ARHGEF12: variants seen among roughly 807,000 people sequenced by gnomAD.
ARHGEF12 encodes the protein Rho guanine nucleotide exchange factor 12.
Under a neutral mutation model 211.2 loss-of-function variants are expected in ARHGEF12, and 66 were observed. The ratio of observed to expected loss-of-function variants is 0.31; its 90% CI spans 0.26 to 0.38. The LOEUF (loss-of-function observed/expected upper bound fraction) is 0.38, where lower values mean the gene tolerates loss of function less well. ARHGEF12 is among the 10% of genes least tolerant of loss of function. The probability of loss-of-function intolerance (pLI) is 1.00; values close to 1 mark genes in which losing one functional copy is unlikely to be tolerated. For synonymous variants in ARHGEF12, 592 were observed against 638.4 expected (o/e 0.93, Z 1.09); for missense variants, 1,429 against 1,869.5 (o/e 0.76, Z 4.34).
chr11:120,462,033 A>C (rs1023301888), intron 27 of ARHGEF12, among the ~76,000 whole-genome samples: 3 of 150,584 alleles, frequency 2.0e-5, no homozygotes, highest in Admixed American at 6.6e-5. Flanking sequence ...TTGGAGTAGC[A>C]CTTTTATTTC....
intron 17 of ARHGEF12, 135 bp from the exon 18 acceptor site, chr11:120,446,813 A>C: frequency 3.7e-6 from 4 of 1,080,762 alleles, no homozygotes; most frequent in Non-Finnish European, 3.9e-6. Flanking sequence ...ATCCTAGATG[A>C]CATGGACCCA....
rs1195555066 is a variant in ARHGEF12 at position 120,441,810 on chromosome 11, C to T, written c.1196C>T (p.Ala399Val). The change falls in exon 14 of 41, where the codon GCG (alanine) becomes GTG (valine). Residue 399 changes from alanine (A) to valine (V), a missense_variant. Transcript: ENST00000397843. ...LHHVVSQFDPATLLCYLYSDL... is the reference protein window; with the variant it reads ...LHHVVSQFDPVTLLCYLYSDL... Reference sequence around the variant, plus strand: ...CATGTAGTTTCACAATTTGACCCTGCGACTTTGGTAATATATTTTACAATC... The same window carrying T: ...CATGTAGTTTCACAATTTGACCCTGTGACTTTGGTAATATATTTTACAATC... The T allele has an allele frequency of 5.0e-6, 8 of 1,612,942 alleles. No individual in the cohort carries two copies. The highest frequency in any genetic ancestry group is 6.8e-6 in the Non-Finnish European group (8 of 1,179,170).
At chr11:120,428,304 T>G (rs1945415044) in intron 8 of ARHGEF12, 57 bp downstream of exon 8, 5 of 1,367,792 alleles carry the variant, frequency 3.7e-6, no homozygotes, top group Non-Finnish European at 4.8e-6. Flanking sequence ...TGTGTTTACT[T>G]TATATGGAGA....
intron 14 of ARHGEF12, 82 bp from the exon 15 acceptor site, chr11:120,442,022 C>G: frequency 9.9e-7 from 1 of 1,013,460 alleles, no homozygotes; most frequent in Non-Finnish European, 1.5e-6. Context: ...CTGTTCCAGA[C>G]ATTCCTACTC....
intron 4 of ARHGEF12, among the ~76,000 whole-genome samples, chr11:120,417,382 A>G (rs1200767870): frequency 2.0e-5 from 3 of 152,202 alleles, no homozygotes; most frequent in African/African-American, 7.2e-5. Context: ...CTTGATTTCT[A>G]AAGTCACAGT....
At chr11:120,481,604 C>A (rs752135350) in intron 39 of ARHGEF12, 28 bp downstream of exon 39, 3 of 1,598,490 alleles carry the variant, frequency 1.9e-6, no homozygotes, top group South Asian at 1.1e-5. Flanking sequence ...ATCCATAGGA[C>A]TTGGTTGTAA....
At chr11:120,342,107 T>C (rs1458280962) in intron 1 of ARHGEF12, among the ~76,000 whole-genome samples, 3 of 152,178 alleles carry the variant, frequency 2.0e-5, no homozygotes, top group Non-Finnish European at 2.9e-5. Flanking sequence ...ATTTTCTGGC[T>C]CTCAAGTCCC....
At chr11:120,381,216 A>G (rs1286610470) in intron 1 of ARHGEF12, among the ~76,000 whole-genome samples, 1 of 152,180 alleles carries the variant, frequency 6.6e-6, no homozygotes, top group East Asian at 1.9e-4. Flanking sequence ...ATACATCTCT[A>G]ATTGTTTCTA....
intron 1 of ARHGEF12, among the ~76,000 whole-genome samples, chr11:120,346,191 AGT>A (rs1334283318): frequency 2.0e-5 from 3 of 152,214 alleles, no homozygotes; most frequent in Non-Finnish European, 4.4e-5. Context: ...CTCCATAATA[AGT>A]GTATCTGTCT....
chr11:120,395,693 C>T (rs916027284), intron 1 of ARHGEF12, among the ~76,000 whole-genome samples: 22 of 152,066 alleles, frequency 1.4e-4, no homozygotes, highest in Non-Finnish European at 2.8e-4. Flanking sequence ...TGCAGGGGAA[C>T]TCCCCTTTAT....
chr11:120,489,381 A>G lies in ARHGEF12; in HGVS notation c.*4304A>G, dbSNP rs946780989. 1 of 224,084 alleles carries G rather than the reference A, an allele frequency of 4.5e-6. No individual in the cohort carries two copies. The highest frequency in any genetic ancestry group is 8.9e-6 in the Non-Finnish European group (1 of 112,428). 13.9% of individuals were successfully genotyped at this position (224,084 alleles called of 1,614,324 possible). A position where few individuals can be genotyped will look rare whatever the true frequency, so the allele number is the denominator to read the frequency against. On this transcript the variant is annotated 3_prime_UTR_variant, in exon 41 of 41. Transcript: ENST00000397843. The stretch of plus-strand genomic sequence containing the variant: ...TATAACAAAATTTGCTATTGTAACT[A>G]TTTTTAAGTATAAAGTTCAGTGAGG...
At chr11:120,369,507 G>T (rs1943530275) in intron 1 of ARHGEF12, among the ~76,000 whole-genome samples, 1 of 152,140 alleles carries the variant, frequency 6.6e-6, no homozygotes, top group African/African-American at 2.4e-5. Context: ...GTGCTTATTG[G>T]TAAGTTTTAA....
At chr11:120,407,484 C>T (rs1944742567) in intron 2 of ARHGEF12, among the ~76,000 whole-genome samples, 1 of 152,090 alleles carries the variant, frequency 6.6e-6, no homozygotes. Flanking sequence ...AAAATGTAAG[C>T]AGTTACTTCT....
chr11:120,419,530 T>C (rs1397509164), intron 4 of ARHGEF12, among the ~76,000 whole-genome samples: 1 of 151,934 alleles, frequency 6.6e-6, no homozygotes, highest in African/African-American at 2.4e-5. Context: ...TTTGTGTAGG[T>C]CATGAGTTCA....
intron 19 of ARHGEF12, 51 bp downstream of exon 19, chr11:120,447,957 G>T: frequency 1.5e-6 from 2 of 1,371,808 alleles, no homozygotes; most frequent in East Asian, 2.4e-5. Flanking sequence ...AAAGAACTAT[G>T]TTTTTTTCCT....
intron 1 of ARHGEF12, chr11:120,385,408 G>A (rs1004612239): frequency 5.7e-5 from 56 of 985,338 alleles, no homozygotes; most frequent in Non-Finnish European, 6.5e-5. Flanking sequence ...GTATTTTGGT[G>A]AGGATTTCAT....
At chr11:120,380,530 G>A (rs1168564595) in intron 1 of ARHGEF12, among the ~76,000 whole-genome samples, 1 of 152,152 alleles carries the variant, frequency 6.6e-6, no homozygotes, top group Non-Finnish European at 1.5e-5. Flanking sequence ...ATGCCCCCCA[G>A]TCTGCGTTTG....
intron 1 of ARHGEF12, among the ~76,000 whole-genome samples, chr11:120,386,669 G>A (rs913480409): frequency 6.6e-6 from 1 of 152,090 alleles, no homozygotes; most frequent in Non-Finnish European, 1.5e-5. Flanking sequence ...AAGCATATAA[G>A]TATTGCAGTG....
intron 4 of ARHGEF12, chr11:120,411,702 A>T (rs1944887741): frequency 7.1e-6 from 1 of 141,468 alleles, no homozygotes; most frequent in African/African-American, 2.7e-5. Context: ...TGATCCTCCT[A>T]CCTAAGACTC....
Sources: gnomAD v4.1 joint callset for allele counts (sites outside exome capture counted in the v4.1 genomes callset) on GRCh38, gnomAD v4.1.1 for gene constraint, MANE v1.5 for transcripts, NCBI Gene and HGNC (gene_info 2026-07-23, HGNC 2026-07-21) for gene names.